Variants in TMEM67 observed in about 807,000 individuals in gnomAD.
The protein encoded by TMEM67 is transmembrane protein 67, also known as meckelin.
A neutral mutation model predicts 136.6 loss-of-function variants in TMEM67; 124 were observed. That is an observed-to-expected ratio of 0.91 (90% CI 0.78 to 1.05). The LOEUF (loss-of-function observed/expected upper bound fraction) is 1.05, where lower values mean the gene tolerates loss of function less well. Ranked by LOEUF, TMEM67 falls within the 50% of genes least tolerant of loss-of-function variation. The pLI is 0.00. For missense variants in TMEM67, 1,107 were observed against 1,178.4 expected (o/e 0.94, Z 0.89); for synonymous variants, 364 against 390.5 (o/e 0.93, Z 0.80).
intron 26 of TMEM67, among the ~76,000 whole-genome samples, chr8:93,810,161 G>A (rs1467810446): frequency 2.7e-5 from 4 of 149,948 alleles, no homozygotes; most frequent in South Asian, 2.1e-4. Flanking sequence ...TAGTAGAGAC[G>A]GGTTTCACTG....
intron 7 of TMEM67, among the ~76,000 whole-genome samples, chr8:93,778,070 G>A (rs2130649892): frequency 1.3e-5 from 2 of 152,242 alleles, no homozygotes; most frequent in Admixed American, 1.3e-4. Flanking sequence ...AGGATAGTTA[G>A]CTCTTCTTGT....
chr8:93,819,723 A>C (rs1809013004), downstream of TMEM67, among the ~76,000 whole-genome samples: 1 of 152,214 alleles, frequency 6.6e-6, no homozygotes, highest in Non-Finnish European at 1.5e-5. Flanking sequence ...ATGTGCTCAG[A>C]GACAAAGCAG....
chr8:93,825,469 A>G, the TMEM67 span, among the ~76,000 whole-genome samples: 2 of 152,184 alleles, frequency 1.3e-5, no homozygotes, highest in Admixed American at 6.5e-5. Context: ...TTTTCTGAAC[A>G]TGTCTGGGTC....
At chr8:93,776,507 T>C (rs1813547666) in intron 7 of TMEM67, among the ~76,000 whole-genome samples, 1 of 152,220 alleles carries the variant, frequency 6.6e-6, no homozygotes, top group Non-Finnish European at 1.5e-5. Context: ...ATAGCTCTTA[T>C]TATTTTGAGA....
intron 11 of TMEM67, among the ~76,000 whole-genome samples, chr8:93,783,578 C>T (rs1041217153): frequency 6.6e-6 from 1 of 152,094 alleles, no homozygotes; most frequent in African/African-American, 2.4e-5. Flanking sequence ...TATTATGAGC[C>T]ATTCAATACT....
At chr8:93,829,361 G>GCTCTCTCTCTCT in the TMEM67 span, among the ~76,000 whole-genome samples, 50 of 148,520 alleles carry the variant, frequency 3.4e-4, no homozygotes, top group African/African-American at 1.2e-3. Context: ...CTTTATGAGT[G>GCTCTCTCTCTCT]CTCTCTCTCT....
intron 7 of TMEM67, among the ~76,000 whole-genome samples, chr8:93,775,666 T>C (rs1238108470): frequency 6.6e-6 from 1 of 152,190 alleles, no homozygotes; most frequent in Non-Finnish European, 1.5e-5. Flanking sequence ...TGGTTGTAGA[T>C]GTGTGGTATT....
At chr8:93,781,117 C>A in intron 9 of TMEM67, 135 bp downstream of exon 9, 1 of 676,080 alleles carries the variant, frequency 1.5e-6, no homozygotes, top group Non-Finnish European at 2.7e-6. Context: ...ATGTCAACAA[C>A]TCATAAGAAC....
chr8:93,762,637 G>A (rs772695169), intron 3 of TMEM67, among the ~76,000 whole-genome samples: 52 of 151,944 alleles, frequency 3.4e-4, no homozygotes, highest in Non-Finnish European at 6.3e-4. Flanking sequence ...TGATTCTCAC[G>A]GTATTTGGGG....
At chr8:93,821,563 C>G (rs1394345587), downstream of TMEM67, among the ~76,000 whole-genome samples, 1 of 152,212 alleles carries the variant, frequency 6.6e-6, no homozygotes, top group Non-Finnish European at 1.5e-5. Flanking sequence ...GGATTACACA[C>G]CTGTGTGTGA....
intron 6 of TMEM67, chr8:93,769,580 T>C (rs1423582709): frequency 6.0e-6 from 1 of 167,110 alleles, no homozygotes; most frequent in African/African-American, 2.4e-5. Flanking sequence ...TGCAACTGCT[T>C]TTCAGACTGG....
chr8:93,796,374 G>A (rs370933720), intron 18 of TMEM67, among the ~76,000 whole-genome samples: 2 of 152,116 alleles, frequency 1.3e-5, no homozygotes, highest in South Asian at 4.1e-4. Context: ...TGTTTTGTCT[G>A]TCTCCAGATT....
chr8:93,815,735 A>G (rs1808881060), intron 27 of TMEM67, among the ~76,000 whole-genome samples: 1 of 152,200 alleles, frequency 6.6e-6, no homozygotes. Flanking sequence ...CCTAGATGCT[A>G]CAAGTGAACA....
chr8:93,818,680 A>G (rs1207137869), downstream of TMEM67, among the ~76,000 whole-genome samples: 1 of 152,214 alleles, frequency 6.6e-6, no homozygotes, highest in African/African-American at 2.4e-5. Flanking sequence ...CCCATCACTC[A>G]TAAGCTTTGG....
chr8:93,818,481 C>T (rs1808981900), downstream of TMEM67, among the ~76,000 whole-genome samples: 1 of 152,150 alleles, frequency 6.6e-6, no homozygotes, highest in Non-Finnish European at 1.5e-5. Flanking sequence ...TGATGACCTA[C>T]ATTGAGGAAC....
At chr8:93,800,164 C>T (rs1277192329) in intron 21 of TMEM67, among the ~76,000 whole-genome samples, 4 of 152,052 alleles carry the variant, frequency 2.6e-5, no homozygotes, top group Non-Finnish European at 5.9e-5. Flanking sequence ...ATCCTCCTCA[C>T]CCTCCCAAAG....
intron 25 of TMEM67, among the ~76,000 whole-genome samples, chr8:93,809,448 G>A (rs1377779089): frequency 6.6e-6 from 1 of 152,054 alleles, no homozygotes; most frequent in Non-Finnish European, 1.5e-5. Context: ...CTTAAACTAT[G>A]TCTGCACTGG....
rs1426060431 is a variant in TMEM67 at position 93,782,580 on chromosome 8, T to G, written c.1131+120T>G. 2.2e-5 allele frequency: 17 copies of G among 775,492 alleles called. 1 individual carries two copies. The highest frequency in any genetic ancestry group is 1.7e-4 in the South Asian group (10 of 58,312). The allele number at this position is 775,492 out of a possible 1,614,324, so 48.0% of individuals were successfully genotyped here. ...AAATTTTTTATTCTTGGTTTTTTTT[T>G]TTTTTTTTTTGAGATGGAGTTTTGC... On this transcript the variant is annotated intron_variant, in intron 11 of 27. Coordinates refer to ENST00000453321, the MANE Select transcript of TMEM67 (RefSeq NM_153704.6).
At chr8:93,800,834 T>C (rs552446832) in intron 21 of TMEM67, among the ~76,000 whole-genome samples, 1 of 152,308 alleles carries the variant, frequency 6.6e-6, no homozygotes, top group African/African-American at 2.4e-5. Context: ...CTAAATATGT[T>C]CTTTTCTTTT....
Sources: allele counts gnomAD v4.1 joint callset (sites outside exome capture counted in the v4.1 genomes callset), GRCh38; gene constraint gnomAD v4.1.1; transcripts MANE v1.5; gene names NCBI Gene and HGNC (gene_info 2026-07-23, HGNC 2026-07-21).